NSL1: variants seen among roughly 807,000 people sequenced by gnomAD.
NSL1 encodes the protein NSL1 component of MIS12 kinetochore complex.
In NSL1, 11 loss-of-function variants were observed where a neutral mutation model predicts 25.4. That is an observed-to-expected ratio of 0.43 (90% CI 0.27 to 0.72). The LOEUF is 0.72. Ranked by LOEUF, NSL1 falls within the 30% of genes least tolerant of loss-of-function variation. The pLI, the probability that NSL1 is intolerant of heterozygous loss-of-function variation, is 0.19. For synonymous variants in NSL1, 118 were observed against 120.6 expected (o/e 0.98, Z 0.14); for missense variants, 330 against 342.7 (o/e 0.96, Z 0.29).
chr1:212,737,752 AAACATTG>A lies in NSL1; in HGVS notation c.*649_*655del, dbSNP rs1658291169. 2 of 984,944 alleles carry A rather than the reference AAACATTG, an allele frequency of 2.0e-6. No individual in the cohort carries two copies. The highest frequency in any genetic ancestry group is 6.1e-5 in the Admixed American group (1 of 16,264). 61.0% of individuals were successfully genotyped at this position (984,944 alleles called of 1,614,324 possible). A position where few individuals can be genotyped will look rare whatever the true frequency, so the allele number is the denominator to read the frequency against. On this transcript the variant is annotated 3_prime_UTR_variant, in exon 6 of 6. Coordinates refer to ENST00000366977, the MANE Select transcript of NSL1 (RefSeq NM_015471.4). Reference sequence around the variant, plus strand: ...ATAGAAAAAAGTGAGTGTGGGCAGGAAACATTGGCTACATGCCAATTTTTATTTCAAA... The same window carrying A: ...ATAGAAAAAAGTGAGTGTGGGCAGGAGCTACATGCCAATTTTTATTTCAAA...
In NSL1 at chr1:212,735,326, G is replaced by C. The variant is rs369262254; in HGVS notation, c.*3082C>G. On this transcript the variant is annotated 3_prime_UTR_variant, in exon 6 of 6. Coordinates refer to ENST00000366977, the MANE Select transcript of NSL1 (RefSeq NM_015471.4). ...TTTTGATCCGAGTAGGTGTCCAACT[G>C]TATGTGTTGAACAGATGAATAAATG... 4 of 985,246 alleles carry C rather than the reference G, an allele frequency of 4.1e-6. No homozygotes were observed. In the African/African-American group the frequency reaches 5.2e-5, roughly 13 times the overall value. 61.0% of individuals were successfully genotyped at this position (985,246 alleles called of 1,614,324 possible).
chr1:212,744,707 T>C (rs1658676004), intron 4 of NSL1, among the ~76,000 whole-genome samples: 1 of 152,146 alleles, frequency 6.6e-6, no homozygotes, highest in Non-Finnish European at 1.5e-5. Flanking sequence ...CTAAAAAGTA[T>C]AATAACTGAA....
rs1472689925 is a variant in NSL1 at position 212,729,654 on chromosome 1, C to T, written c.*8754G>A. ...TGACAAGTCAGAGAGAATTCGAACA[C>T]TTATTTTAACCTTTTCACCAAATTT... On this transcript the variant is annotated 3_prime_UTR_variant, in exon 6 of 6. Transcript: ENST00000366977. 6 of 985,294 alleles carry T rather than the reference C, an allele frequency of 6.1e-6. No homozygotes were observed. Among genetic ancestry groups the T allele is most frequent in the African/African-American group, 3.5e-5 (2 of 57,228 alleles). The allele number at this position is 985,294 out of a possible 1,614,324, so 61.0% of individuals were successfully genotyped here. A position where few individuals can be genotyped will look rare whatever the true frequency, so the allele number is the denominator to read the frequency against.
At chr1:212,761,137 T>C (rs1288361877) in intron 4 of NSL1, among the ~76,000 whole-genome samples, 2 of 152,192 alleles carry the variant, frequency 1.3e-5, no homozygotes, top group African/African-American at 2.4e-5. Flanking sequence ...CTGAAAGAAG[T>C]AACTGTTTCA....
Position 212,726,999 on chromosome 1 carries a change from G to T in NSL1, c.*11409C>A. 1 of 968,250 alleles carries T rather than the reference G, an allele frequency of 1.0e-6. No homozygotes were observed. The highest frequency in any genetic ancestry group is 1.5e-6 in the Non-Finnish European group (1 of 669,402). 60.0% of individuals were successfully genotyped at this position (968,250 alleles called of 1,614,324 possible). ...TGCTTCCTGGCTGTGTCCTCTCAGA[G>T]GCCCTCCAGTCCAGTCTACTCCGGC... On this transcript the variant is annotated 3_prime_UTR_variant, in exon 6 of 6. Coordinates refer to ENST00000366977, the MANE Select transcript of NSL1 (RefSeq NM_015471.4).
In NSL1 at chr1:212,729,535, A is replaced by C; in HGVS notation, c.*8873T>G. On this transcript the variant is annotated 3_prime_UTR_variant, in exon 6 of 6. Coordinates refer to ENST00000366977, the MANE Select transcript of NSL1 (RefSeq NM_015471.4). The stretch of plus-strand genomic sequence containing the variant: ...GGGACCTGGAGCAGGGGTGCCCTAC[A>C]ACTTTGCCCATTTTTATTATTCTGC... The C allele has an allele frequency of 4.1e-6, 4 of 985,410 alleles. No individual in the cohort carries two copies. Among genetic ancestry groups the C allele is most frequent in the Non-Finnish European group, 4.8e-6 (4 of 829,932 alleles). 61.0% of individuals were successfully genotyped at this position (985,410 alleles called of 1,614,324 possible). A position where few individuals can be genotyped will look rare whatever the true frequency, so the allele number is the denominator to read the frequency against.
rs754041158 is a variant in NSL1 at position 212,784,359 on chromosome 1, T to G, written c.444+4A>C. ...TATAACATTTTAAAGGCAAATCATC[T>G]TACCAGAATTTCTTGTTTTGCTTTT... On this transcript the variant is annotated splice_donor_region_variant and intron_variant, in intron 3 of 5. Coordinates refer to ENST00000366977, the MANE Select transcript of NSL1 (RefSeq NM_015471.4). 37 of 1,562,204 alleles carry G rather than the reference T, an allele frequency of 2.4e-5. No homozygotes were observed. The highest frequency in any genetic ancestry group is 2.6e-5 in the Non-Finnish European group (30 of 1,148,798).
In NSL1 at chr1:212,745,405, A is replaced by G. The variant is rs531235331; in HGVS notation, c.500-5804T>C. 5.7e-4 allele frequency among the ~76,000 whole-genome samples: 87 copies of G among 152,176 alleles called. No individual in the cohort carries two copies. In the Middle Eastern group the frequency reaches 0.017, roughly 30 times the overall value. On this transcript the variant is annotated intron_variant, in intron 4 of 5. Transcript: ENST00000366977. ...CAAGCAGAAAAACTCAAGGAAAGCC[A>G]CATCAAGATACATACTAATCAAACT...
At chr1:212,746,442 C>T (rs1350257610) in intron 4 of NSL1, among the ~76,000 whole-genome samples, 1 of 151,964 alleles carries the variant, frequency 6.6e-6, no homozygotes. Flanking sequence ...TGGCACACTT[C>T]AAAAAGCTCA....
At chr1:212,750,366 C>A (rs1659011312) in intron 4 of NSL1, among the ~76,000 whole-genome samples, 1 of 151,684 alleles carries the variant, frequency 6.6e-6, no homozygotes, top group Non-Finnish European at 1.5e-5. Flanking sequence ...GAGAATAAAT[C>A]AAGAAAGAGT....
At chr1:212,745,521 C>T (rs1658747308) in intron 4 of NSL1, among the ~76,000 whole-genome samples, 2 of 152,064 alleles carry the variant, frequency 1.3e-5, no homozygotes, top group Admixed American at 1.3e-4. Flanking sequence ...CAGCCAATGT[C>T]TCATCAGAAA....
intron 4 of NSL1, among the ~76,000 whole-genome samples, chr1:212,745,193 TATATATATATGC>T (rs1474669019): frequency 1.4e-4 from 9 of 66,010 alleles, no homozygotes; most frequent in African/African-American, 4.9e-4. Flanking sequence ...TATATATATA[TATATATATATGC>T]ATATGCATAT....
intron 4 of NSL1, among the ~76,000 whole-genome samples, chr1:212,775,303 A>G (rs1048849939): frequency 1.3e-5 from 2 of 152,208 alleles, no homozygotes; most frequent in Non-Finnish European, 2.9e-5. Flanking sequence ...CAGAATAATA[A>G]ACCATTTTTA....
chr1:212,788,313 T>C (rs982478633), intron 1 of NSL1, among the ~76,000 whole-genome samples: 1 of 152,214 alleles, frequency 6.6e-6, no homozygotes, highest in Non-Finnish European at 1.5e-5. Context: ...CTTGAAAGGC[T>C]GAGGCTAGAG....
chr1:212,728,658 G>T lies in NSL1; in HGVS notation c.*9750C>A, dbSNP rs1657884455. 1 of 985,312 alleles carries T rather than the reference G, an allele frequency of 1.0e-6. No homozygotes were observed. The highest frequency in any genetic ancestry group is 6.1e-5 in the Admixed American group (1 of 16,272). 61.0% of individuals were successfully genotyped at this position (985,312 alleles called of 1,614,324 possible). On this transcript the variant is annotated 3_prime_UTR_variant, in exon 6 of 6. Transcript: ENST00000366977. ...ATCTGATGAGTGAAGGGAACCACAG[G>T]CTTATCTGCACATCACTTATACCAT...
chr1:212,747,240 A>G (rs1364488905), intron 4 of NSL1, among the ~76,000 whole-genome samples: 2 of 152,222 alleles, frequency 1.3e-5, no homozygotes, highest in African/African-American at 4.8e-5. Context: ...ATGACCAGTA[A>G]CTAACAGCTC....
rs1658172483 is a variant in NSL1, at chr1:212,734,881, A to G, written c.*3527T>C. ...CACTCATCCTCTTCACTGGAATATGACCTTCCTGAAGGCAACACTTGTCCT... is the reference window on the plus strand; with the variant it reads ...CACTCATCCTCTTCACTGGAATATGGCCTTCCTGAAGGCAACACTTGTCCT... On this transcript the variant is annotated 3_prime_UTR_variant, in exon 6 of 6. Transcript: ENST00000366977. Among the ~76,000 whole-genome samples the G allele has an allele frequency of 6.6e-6, 1 of 152,182 alleles. No homozygotes were observed. Among genetic ancestry groups the G allele is most frequent in the Admixed American group, 6.5e-5 (1 of 15,276 alleles).
At chr1:212,791,331 G>A (rs1398818348) in intron 1 of NSL1, among the ~76,000 whole-genome samples, 199 bp downstream of exon 1, 2 of 152,128 alleles carry the variant, frequency 1.3e-5, no homozygotes, top group Admixed American at 6.5e-5. Context: ...ACTGGACAGC[G>A]CTGGTCTAAG....
chr1:212,779,084 C>T (rs1337597510), intron 4 of NSL1, among the ~76,000 whole-genome samples: 5 of 150,996 alleles, frequency 3.3e-5, no homozygotes, highest in Admixed American at 6.6e-5. Context: ...AGCGTCTCTG[C>T]CCGGCCGCCC....
Sources: allele counts gnomAD v4.1 joint callset (sites outside exome capture counted in the v4.1 genomes callset), GRCh38; gene constraint gnomAD v4.1.1; transcripts MANE v1.5; gene names NCBI Gene and HGNC (gene_info 2026-07-23, HGNC 2026-07-21).